ITGA9: variants seen among roughly 807,000 people sequenced by gnomAD.
ITGA9 encodes integrin subunit alpha 9.
In ITGA9, 56 loss-of-function variants were observed where a neutral mutation model predicts 127.8. The ratio of observed to expected loss-of-function variants is 0.44; its 90% CI spans 0.35 to 0.55. The LOEUF is 0.55. Ranked by LOEUF, ITGA9 falls within the 20% of genes least tolerant of loss-of-function variation. ITGA9 has a pLI of 0.00. For synonymous variants in ITGA9, 508 were observed against 514.5 expected, an observed-to-expected ratio of 0.99 and a Z score of 0.17; for missense variants, 1,196 against 1,347.1, an observed-to-expected ratio of 0.89 and a Z score of 1.76.
chr3:37,594,143 C>G (rs892081084), intron 15 of ITGA9, among the ~76,000 whole-genome samples: 3 of 152,232 alleles, frequency 2.0e-5, no homozygotes, highest in Non-Finnish European at 4.4e-5. Context: ...CATCTGAGCT[C>G]TGGGTCAGCA....
At chr3:37,741,948 G>C (rs924632567) in intron 21 of ITGA9, 129 bp downstream of exon 21, 8 of 746,632 alleles carry the variant, frequency 1.1e-5, no homozygotes, top group Non-Finnish European at 1.4e-5. Context: ...TCCCAGCCTT[G>C]AAAAGCAGGA....
At chr3:37,818,830 G>C in intron 27 of ITGA9, 61 bp from the exon 28 acceptor site, 1 of 1,284,602 alleles carries the variant, frequency 7.8e-7, no homozygotes, top group East Asian at 2.3e-5. Context: ...ACTGCCTTGG[G>C]GTCACAATGG....
intron 3 of ITGA9, among the ~76,000 whole-genome samples, chr3:37,479,028 C>G (rs572176624): frequency 6.6e-6 from 1 of 152,292 alleles, no homozygotes; most frequent in East Asian, 1.9e-4. Context: ...CACAGCCCCT[C>G]CAACTCAGAA....
rs1483630814 is a variant in ITGA9 at position 37,629,212 on chromosome 3, C to T, written c.1715C>T (p.Pro572Leu). 6.8e-6 allele frequency: 11 copies of T among 1,612,994 alleles called. No individual in the cohort carries two copies. Among genetic ancestry groups the T allele is most frequent in the African/African-American group, 6.7e-5 (5 of 74,828 alleles). ...VKRRVQDVIS[P>L]IVFEAAYSLS... ...CGGAGGGTGCAGGACGTCATCAGCCCGATCGTGTTTGAAGCAGCCTACAGC... is the reference window on the plus strand; with the variant it reads ...CGGAGGGTGCAGGACGTCATCAGCCTGATCGTGTTTGAAGCAGCCTACAGC... Residue 572 changes from proline (P) to leucine (L), a missense_variant, in exon 16 of 28, where the codon CCG (proline) becomes CTG (leucine). Coordinates refer to ENST00000264741, the MANE Select transcript of ITGA9 (RefSeq NM_002207.3). The surrounding 1 kb of genome is among the most constrained non-coding windows in gnomAD (Gnocchi z 4.5).
intron 1 of ITGA9, among the ~76,000 whole-genome samples, chr3:37,458,213 T>G (rs1432627933): frequency 6.6e-6 from 1 of 152,200 alleles, no homozygotes; most frequent in Non-Finnish European, 1.5e-5. Flanking sequence ...TTTGGGGAAC[T>G]GAGGCTTACA....
chr3:37,748,325 T>C (rs779117005), intron 22 of ITGA9: 4 of 573,744 alleles, frequency 7.0e-6, no homozygotes, highest in Non-Finnish European at 1.3e-5. Context: ...CAGCATGCTG[T>C]TGGCATTGTT....
intron 7 of ITGA9, among the ~76,000 whole-genome samples, chr3:37,508,059 G>A (rs1000101250): frequency 5.3e-5 from 8 of 152,140 alleles, no homozygotes; most frequent in Admixed American, 4.6e-4. Context: ...TTTTTACCCA[G>A]GCAGATCACA....
At chr3:37,606,768 G>A (rs1005148086) in intron 15 of ITGA9, among the ~76,000 whole-genome samples, 10 of 152,048 alleles carry the variant, frequency 6.6e-5, no homozygotes, top group East Asian at 3.9e-4. Context: ...CCACTACTCC[G>A]AGCATGGGCT....
intron 17 of ITGA9, among the ~76,000 whole-genome samples, chr3:37,676,222 A>G (rs983143911): frequency 1.3e-5 from 2 of 152,254 alleles, no homozygotes; most frequent in African/African-American, 4.8e-5. Flanking sequence ...TAATTATTTG[A>G]GCATGTAATC....
intron 8 of ITGA9, among the ~76,000 whole-genome samples, chr3:37,512,029 TTTCTTTC>T (rs766501099): frequency 3.2e-5 from 1 of 30,962 alleles, no homozygotes; most frequent in African/African-American, 1.0e-4. Flanking sequence ...TTTTCTTTTC[TTTCTTTC>T]TTTCTTTCTT....
intron 3 of ITGA9, among the ~76,000 whole-genome samples, chr3:37,473,982 T>C (rs1388633901): frequency 6.6e-6 from 1 of 152,256 alleles, no homozygotes; most frequent in Non-Finnish European, 1.5e-5. Context: ...CAGTATGTGC[T>C]CTTTTATATA....
chr3:37,795,770 A>G (rs531752353), intron 26 of ITGA9, among the ~76,000 whole-genome samples: 1 of 152,132 alleles, frequency 6.6e-6, no homozygotes, highest in African/African-American at 2.4e-5. Flanking sequence ...CTCCTCAGTC[A>G]ATCTTCTCCT....
intron 15 of ITGA9, among the ~76,000 whole-genome samples, chr3:37,608,365 G>C (rs1256867697): frequency 6.6e-6 from 1 of 152,174 alleles, no homozygotes; most frequent in East Asian, 1.9e-4. Context: ...TCTACTAACA[G>C]AAAGTGAGTT....
intron 5 of ITGA9, among the ~76,000 whole-genome samples, chr3:37,501,514 G>A (rs1267705077): frequency 3.9e-5 from 6 of 152,186 alleles, no homozygotes; most frequent in South Asian, 2.1e-4. Flanking sequence ...ATACCATGTC[G>A]TCTCTGTCTG....
At chr3:37,561,429 A>G (rs1373002074) in intron 15 of ITGA9, among the ~76,000 whole-genome samples, 5 of 152,230 alleles carry the variant, frequency 3.3e-5, no homozygotes, top group Non-Finnish European at 7.3e-5. Context: ...GAGTGAATTC[A>G]TAAAACATAT....
chr3:37,659,164 G>A (rs1700508772), intron 17 of ITGA9, among the ~76,000 whole-genome samples: 1 of 152,026 alleles, frequency 6.6e-6, no homozygotes. Context: ...CTTGAGGTTG[G>A]TCTTCCTGAG....
intron 18 of ITGA9, among the ~76,000 whole-genome samples, chr3:37,694,695 C>G (rs1393277779): frequency 6.6e-6 from 1 of 151,886 alleles, no homozygotes. Flanking sequence ...TGTGTTAAAC[C>G]TCTAGATTTC....
At chr3:37,581,247 G>A (rs376674241) in intron 15 of ITGA9, among the ~76,000 whole-genome samples, 1 of 152,208 alleles carries the variant, frequency 6.6e-6, no homozygotes, top group Admixed American at 6.5e-5. Context: ...GACTAGTGTG[G>A]TCACAGAGGG....
chr3:37,731,319 G>A (rs756430481), intron 18 of ITGA9, among the ~76,000 whole-genome samples: 1 of 152,088 alleles, frequency 6.6e-6, no homozygotes, highest in Non-Finnish European at 1.5e-5. Flanking sequence ...CCGGGTTCAC[G>A]CCATTCTCCT....
Sources: allele counts gnomAD v4.1 joint callset (sites outside exome capture counted in the v4.1 genomes callset), GRCh38; gene constraint gnomAD v4.1.1; non-coding constraint Gnocchi (gnomAD v3.1); transcripts MANE v1.5; gene names NCBI Gene and HGNC (gene_info 2026-07-23, HGNC 2026-07-21).